Variants in SHANK2 observed in about 807,000 individuals in gnomAD.
SHANK2 encodes SH3 and multiple ankyrin repeat domains 2, also known as SH3 and multiple ankyrin repeat domains protein 2.
In SHANK2, 43 loss-of-function variants were observed where a neutral mutation model predicts 133.7. The observed-to-expected ratio is 0.32, with a 90% CI of 0.25 to 0.41. The LOEUF (loss-of-function observed/expected upper bound fraction) is 0.41, where lower values mean the gene tolerates loss of function less well. Among genes scored for constraint, SHANK2 ranks in the 10% least tolerant of loss-of-function variants. The pLI is 1.00. For missense variants in SHANK2, 1,994 were observed against 2,235.8 expected (o/e 0.89, Z 2.18); for synonymous variants, 1,017 against 952.8 (o/e 1.07, Z -1.24).
chr11:70,663,019 G>A (rs186815432), intron 15 of SHANK2, among the ~76,000 whole-genome samples: 20 of 152,278 alleles, frequency 1.3e-4, no homozygotes, highest in Admixed American at 5.9e-4. Context: ...GGGAGGCAGC[G>A]TGGAGGGAGG....
chr11:71,245,618 G>A lies in SHANK2; in HGVS notation c.-113+6807C>T, dbSNP rs78186137. On this transcript the variant is annotated intron_variant, in intron 1 of 25. Coordinates refer to ENST00000601538, the MANE Select transcript of SHANK2 (RefSeq NM_012309.5). ...AAGCGACCGGTGCCTTCTTCTGCAC[G>A]GTGGAGTGGGCAGCCGCCAGGTGTG... Among the ~76,000 whole-genome samples, 487 of 152,358 alleles carry A rather than the reference G, an allele frequency of 3.2e-3. 8 individuals carry two copies. Among genetic ancestry groups the A allele is most frequent in the East Asian group, 0.029 (151 of 5,180 alleles).
intron 17 of SHANK2, among the ~76,000 whole-genome samples, chr11:70,552,769 A>G (rs2059786339): frequency 6.6e-6 from 1 of 152,026 alleles, no homozygotes; most frequent in South Asian, 2.1e-4. Context: ...TTTTCCTTAC[A>G]CACGTGTCTC....
chr11:71,188,728 T>A lies in SHANK2; in HGVS notation c.-13+35969A>T, dbSNP rs1176594906. ...GTCGCCCACCACACCTCTCCTCATC[T>A]GCTGAGGGCCTGCCACGTCCCTGCA... On this transcript the variant is annotated intron_variant, in intron 2 of 25. Transcript: ENST00000601538. The surrounding 1 kb of genome is among the most constrained non-coding windows in gnomAD (Gnocchi z 4.6). 6.6e-6 allele frequency among the ~76,000 whole-genome samples: 1 copy of A among 152,204 alleles called. No individual in the cohort carries two copies. Among genetic ancestry groups the A allele is most frequent in the Non-Finnish European group, 1.5e-5 (1 of 68,038 alleles).
intron 12 of SHANK2, among the ~76,000 whole-genome samples, chr11:70,818,176 CCACA>C (rs142933707): frequency 6.6e-6 from 1 of 151,834 alleles, no homozygotes; most frequent in Non-Finnish European, 1.5e-5. Flanking sequence ...ACCATGATGA[CCACA>C]CACACACACA....
chr11:70,841,613 G>T (rs1401442485), intron 11 of SHANK2, among the ~76,000 whole-genome samples: 1 of 152,194 alleles, frequency 6.6e-6, no homozygotes, highest in African/African-American at 2.4e-5. Flanking sequence ...AGGAATTCTG[G>T]CTTGACCTGG....
At chr11:70,571,082 G>C (rs2060039698) in intron 17 of SHANK2, among the ~76,000 whole-genome samples, 1 of 152,150 alleles carries the variant, frequency 6.6e-6, no homozygotes, top group Admixed American at 6.5e-5. Flanking sequence ...TCTAGGGAAT[G>C]ACTCTCCCTG....
chr11:71,182,953 A>G lies in SHANK2; in HGVS notation c.-12-35615T>C, dbSNP rs532479826. ...AATCAGGGCTCAGTAAACCAGCACG[A>G]AAACCCTGAGGCTCTGTCTAGTGCT... On this transcript the variant is annotated intron_variant, in intron 2 of 25. Transcript: ENST00000601538. Among the ~76,000 whole-genome samples, 8 of 152,336 alleles carry G rather than the reference A, an allele frequency of 5.3e-5. No homozygotes were observed. The South Asian group carries it at 1.7e-3, about 32-fold the overall frequency.
chr11:70,912,393 G>A (rs1338628089), intron 10 of SHANK2, among the ~76,000 whole-genome samples: 1 of 152,142 alleles, frequency 6.6e-6, no homozygotes, highest in African/African-American at 2.4e-5. Context: ...TGTTGTGGGA[G>A]GGACCCGGGG....
chr11:70,596,023 G>A lies in SHANK2; in HGVS notation c.2061+63805C>T, dbSNP rs147986773. On this transcript the variant is annotated intron_variant, in intron 17 of 25. Coordinates refer to ENST00000601538, the MANE Select transcript of SHANK2 (RefSeq NM_012309.5). Reference sequence around the variant, plus strand: ...CCACCTCCACGCCAAGGCATCAGGGGCACCTCGCCAGGATACGGGAAAGGC... The same window carrying A: ...CCACCTCCACGCCAAGGCATCAGGGACACCTCGCCAGGATACGGGAAAGGC... Among the ~76,000 whole-genome samples the A allele has an allele frequency of 1.3e-3, 203 of 152,276 alleles. 1 individual carries two copies. In the Middle Eastern group the frequency reaches 0.027, roughly 20 times the overall value.
At chr11:70,492,832 G>C (rs1591497973) in intron 21 of SHANK2, among the ~76,000 whole-genome samples, 1 of 106,076 alleles carries the variant, frequency 9.4e-6, no homozygotes, top group African/African-American at 3.7e-5. Flanking sequence ...CTCTTGCTCT[G>C]TTGCCCAGGC....
At chr11:70,735,260 G>A (rs562340224) in intron 14 of SHANK2, among the ~76,000 whole-genome samples, 26 of 152,308 alleles carry the variant, frequency 1.7e-4, no homozygotes, top group African/African-American at 6.0e-4. Flanking sequence ...GGTGGAGCTG[G>A]GCAACCAGGC....
chr11:70,712,960 G>T (rs782317727), intron 14 of SHANK2, among the ~76,000 whole-genome samples: 1 of 152,242 alleles, frequency 6.6e-6, no homozygotes, highest in African/African-American at 2.4e-5. Flanking sequence ...TGTGTCATCC[G>T]CCCTGCTCCT....
chr11:71,198,949 C>A (rs1953967237), intron 2 of SHANK2, among the ~76,000 whole-genome samples: 1 of 152,178 alleles, frequency 6.6e-6, no homozygotes, highest in Non-Finnish European at 1.5e-5. Flanking sequence ...CATGACCAGG[C>A]CCATTTCCTC....
intron 14 of SHANK2, among the ~76,000 whole-genome samples, chr11:70,791,067 C>T (rs1947776794): frequency 6.6e-6 from 1 of 152,202 alleles, no homozygotes; most frequent in Admixed American, 6.5e-5. Context: ...AGGAAAAAAA[C>T]CTGCACTCCA....
chr11:70,919,602 G>A (rs908630362), intron 10 of SHANK2, among the ~76,000 whole-genome samples: 5 of 152,036 alleles, frequency 3.3e-5, no homozygotes, highest in South Asian at 2.1e-4. Flanking sequence ...GGCTGGTCTC[G>A]AACTCCTGAC....
Position 70,801,216 on chromosome 11 carries a change from C to A in SHANK2, c.1664-2660G>T, listed in dbSNP as rs888011205. 2.7e-4 allele frequency among the ~76,000 whole-genome samples: 41 copies of A among 152,180 alleles called. 2 individuals are homozygous for A. Among genetic ancestry groups the A allele is most frequent in the Admixed American group, 2.4e-3 (37 of 15,280 alleles). ...ATATTTAATCTCTATGAAGTATGCACTTCAGGATGTGTTATTGTTATTACA... is the reference window on the plus strand; with the variant it reads ...ATATTTAATCTCTATGAAGTATGCAATTCAGGATGTGTTATTGTTATTACA... On this transcript the variant is annotated intron_variant, in intron 13 of 25. Transcript: ENST00000601538.
intron 17 of SHANK2, among the ~76,000 whole-genome samples, chr11:70,595,285 C>T (rs895527649): frequency 3.3e-5 from 5 of 152,212 alleles, no homozygotes; most frequent in Non-Finnish European, 4.4e-5. Flanking sequence ...CAGGAAGCCC[C>T]GGTGCCAGTG....
In SHANK2 at chr11:71,218,267, T is replaced by C. The variant is rs1253631127; in HGVS notation, c.-13+6430A>G. Among the ~76,000 whole-genome samples, 23 of 146,428 alleles carry C rather than the reference T, an allele frequency of 1.6e-4. No individual in the cohort carries two copies. The South Asian group carries it at 4.2e-3, about 27-fold the overall frequency. Reference sequence around the variant, plus strand: ...TTCTTCTAATTTTCTTTTTCTTTTTTTTTTTTTTTTTTTTGAGATGGAGTT... The same window carrying C: ...TTCTTCTAATTTTCTTTTTCTTTTTCTTTTTTTTTTTTTTGAGATGGAGTT... On this transcript the variant is annotated intron_variant, in intron 2 of 25. Coordinates refer to ENST00000601538, the MANE Select transcript of SHANK2 (RefSeq NM_012309.5).
rs1451137403 is a variant in SHANK2, at chr11:70,638,437, C to T, written c.2061+21391G>A. On this transcript the variant is annotated intron_variant, in intron 17 of 25. Coordinates refer to ENST00000601538, the MANE Select transcript of SHANK2 (RefSeq NM_012309.5). ...AGGGTCTGGGGCTGCAGGATGTGCT[C>T]GGCGCCCTGCTGATGACCTTCCCTG... Among the ~76,000 whole-genome samples the T allele has an allele frequency of 8.5e-5, 13 of 152,182 alleles. No homozygotes were observed. In the South Asian group the frequency reaches 1.9e-3, roughly 22 times the overall value.
Sources: allele counts gnomAD v4.1 joint callset (sites outside exome capture counted in the v4.1 genomes callset), GRCh38; gene constraint gnomAD v4.1.1; non-coding constraint Gnocchi (gnomAD v3.1); transcripts MANE v1.5; gene names NCBI Gene and HGNC (gene_info 2026-07-23, HGNC 2026-07-21).